FHIT: variants seen among roughly 807,000 people sequenced by gnomAD.
The protein encoded by FHIT is bis(5'-adenosyl)-triphosphatase.
A neutral mutation model predicts 17.9 loss-of-function variants in FHIT; 19 were observed. The ratio of observed to expected loss-of-function variants is 1.06; its 90% CI spans 0.74 to 1.56. The LOEUF (loss-of-function observed/expected upper bound fraction) is 1.56. Among genes scored for constraint, FHIT ranks in the 40% most tolerant of loss-of-function variants. The pLI is 0.00. For synonymous variants in FHIT, 81 were observed against 69.7 expected, an observed-to-expected ratio of 1.16 and a Z score of -0.81; for missense variants, 248 against 189.2, an observed-to-expected ratio of 1.31 and a Z score of -1.82.
chr3:60,526,289 G>A lies in FHIT; in HGVS notation c.103+10571C>T, dbSNP rs979575802. Among the ~76,000 whole-genome samples, 7 of 151,956 alleles carry A rather than the reference G, an allele frequency of 4.6e-5. No individual in the cohort carries two copies. The South Asian group carries it at 6.2e-4, about 14-fold the overall frequency. On this transcript the variant is annotated intron_variant, in intron 5 of 9. Coordinates refer to ENST00000492590, the MANE Select transcript of FHIT (RefSeq NM_002012.4). ...TTTTCCAGGAAGGTAGTAAAGTCTCGCCCCCGTTTGTTTCTGAGGATCCAT... is the reference window on the plus strand; with the variant it reads ...TTTTCCAGGAAGGTAGTAAAGTCTCACCCCCGTTTGTTTCTGAGGATCCAT...
intron 4 of FHIT, among the ~76,000 whole-genome samples, chr3:60,573,159 A>G (rs1178828472): frequency 1.3e-5 from 2 of 152,078 alleles, no homozygotes; most frequent in African/African-American, 4.8e-5. Flanking sequence ...AACCATTCAC[A>G]AAGAGCTCAG....
chr3:59,971,745 G>T (rs1268358649), intron 7 of FHIT, among the ~76,000 whole-genome samples: 1 of 152,134 alleles, frequency 6.6e-6, no homozygotes, highest in African/African-American at 2.4e-5. Context: ...TTCACTCATT[G>T]TATGACCTTG....
At chr3:60,444,559 AC>A (rs1301236819) in intron 5 of FHIT, among the ~76,000 whole-genome samples, 1 of 152,118 alleles carries the variant, frequency 6.6e-6, no homozygotes, top group Non-Finnish European at 1.5e-5. Flanking sequence ...TGTGGATGAA[AC>A]TAGAAACCAT....
At chr3:60,696,141 G>A (rs1443735122) in intron 4 of FHIT, among the ~76,000 whole-genome samples, 2 of 151,990 alleles carry the variant, frequency 1.3e-5, no homozygotes, top group Non-Finnish European at 2.9e-5. Context: ...AAAGAAGGAA[G>A]GAAGGAAGGA....
chr3:60,199,036 G>A (rs1439529392), intron 5 of FHIT, among the ~76,000 whole-genome samples: 1 of 152,162 alleles, frequency 6.6e-6, no homozygotes, highest in Non-Finnish European at 1.5e-5. Flanking sequence ...GGAGTTGTCA[G>A]AGGAATCACG....
At chr3:60,356,756 A>AAAAAAAAAC (rs1699676990) in intron 5 of FHIT, among the ~76,000 whole-genome samples, 5 of 56,638 alleles carry the variant, frequency 8.8e-5, no homozygotes, top group African/African-American at 3.2e-4. Flanking sequence ...ACAGAGACAA[A>AAAAAAAAAC]AAAAAAAAAA....
rs547886932 is a variant in FHIT at position 60,556,565 on chromosome 3, G to A, written c.-17-19586C>T. 7.9e-5 allele frequency among the ~76,000 whole-genome samples: 12 copies of A among 152,316 alleles called. No individual in the cohort carries two copies. The South Asian group carries it at 2.5e-3, about 32-fold the overall frequency. On this transcript the variant is annotated intron_variant, in intron 4 of 9. Coordinates refer to ENST00000492590, the MANE Select transcript of FHIT (RefSeq NM_002012.4). ...CAATAGCCTGTACAGTAGACCTGGA[G>A]GAAAACAAAACCCACAGAAGTCAAG...
At chr3:60,959,811 T>C (rs1473737945) in intron 3 of FHIT, among the ~76,000 whole-genome samples, 1 of 151,344 alleles carries the variant, frequency 6.6e-6, no homozygotes, top group Non-Finnish European at 1.5e-5. Context: ...CTTTTTTTTT[T>C]TTTTTTTAAT....
chr3:61,012,528 C>T (rs919045932), intron 3 of FHIT, among the ~76,000 whole-genome samples: 1 of 152,076 alleles, frequency 6.6e-6, no homozygotes, highest in South Asian at 2.1e-4. Context: ...TTTCTCAATG[C>T]TTATATCTAG....
At chr3:60,168,803 T>A (rs73831947) in intron 5 of FHIT, among the ~76,000 whole-genome samples, 2 of 152,212 alleles carry the variant, frequency 1.3e-5, no homozygotes, top group Admixed American at 6.5e-5. Context: ...TTTGTAACGA[T>A]TGATACTCTT....
intron 5 of FHIT, among the ~76,000 whole-genome samples, chr3:60,089,392 T>C (rs17062150): frequency 0.25 from 37,565 of 152,046 alleles, 4,897 homozygotes; most frequent in African/African-American, 0.31. Flanking sequence ...TGATTCCCTG[T>C]CCATTGTTGT....
intron 5 of FHIT, among the ~76,000 whole-genome samples, chr3:60,424,389 A>G (rs1702586196): frequency 6.6e-6 from 1 of 152,190 alleles, no homozygotes; most frequent in South Asian, 2.1e-4. Flanking sequence ...ACAGGGAGAT[A>G]AAGACTGCTT....
intron 4 of FHIT, among the ~76,000 whole-genome samples, chr3:60,573,573 G>A (rs1017251757): frequency 2.0e-5 from 3 of 152,036 alleles, no homozygotes; most frequent in Non-Finnish European, 4.4e-5. Flanking sequence ...AACTGAGAAC[G>A]AACCTGCAGC....
intron 5 of FHIT, among the ~76,000 whole-genome samples, chr3:60,238,275 A>G (rs1704918012): frequency 6.6e-6 from 1 of 152,058 alleles, no homozygotes; most frequent in Non-Finnish European, 1.5e-5. Context: ...CAGATAATAA[A>G]GCCCTTAAGT....
chr3:59,755,527 T>G (rs1451246074), intron 8 of FHIT, among the ~76,000 whole-genome samples: 1 of 152,214 alleles, frequency 6.6e-6, no homozygotes, highest in Non-Finnish European at 1.5e-5. Flanking sequence ...GGGTGAACTT[T>G]AATGGAGGAG....
intron 5 of FHIT, among the ~76,000 whole-genome samples, chr3:60,488,262 G>A (rs2033923557): frequency 6.6e-6 from 1 of 152,138 alleles, no homozygotes; most frequent in African/African-American, 2.4e-5. Context: ...TATTTACTGA[G>A]CCCCTGTTAT....
intron 5 of FHIT, among the ~76,000 whole-genome samples, chr3:60,363,178 G>T (rs1699971044): frequency 6.6e-6 from 1 of 152,072 alleles, no homozygotes; most frequent in South Asian, 2.1e-4. Context: ...CTAAATTCGT[G>T]GTGCTCCTAT....
Position 60,536,847 on chromosome 3 carries a change from A to AC in FHIT, c.103+12_103+13insG. 6.3e-7 allele frequency: 1 copy of AC among 1,574,920 alleles called. No homozygotes were observed. The highest frequency in any genetic ancestry group is 8.6e-7 in the Non-Finnish European group (1 of 1,167,906). On this transcript the variant is annotated intron_variant, in intron 5 of 9. Transcript: ENST00000492590. ...TTTTATTTTCCCTCTCCAAAAAAAA[A>AC]AAGAAAGGATACGTCCTGGTACCAC...
At chr3:61,216,642 G>C (rs1233687199) in intron 1 of FHIT, among the ~76,000 whole-genome samples, 1 of 152,154 alleles carries the variant, frequency 6.6e-6, no homozygotes, top group Non-Finnish European at 1.5e-5. Context: ...TGCCATTACT[G>C]CGTATATACC....
Sources: allele counts gnomAD v4.1 joint callset (sites outside exome capture counted in the v4.1 genomes callset), GRCh38; gene constraint gnomAD v4.1.1; transcripts MANE v1.5; gene names NCBI Gene and HGNC (gene_info 2026-07-23, HGNC 2026-07-21).